FGF14: variants seen among roughly 807,000 people sequenced by gnomAD.
FGF14 encodes the protein fibroblast growth factor homologous factor 4.
In FGF14, 5 loss-of-function variants were observed where a neutral mutation model predicts 25.5. The observed-to-expected ratio is 0.20, with a 90% CI of 0.10 to 0.41. The LOEUF is 0.41. Among genes scored for constraint, FGF14 ranks in the 10% least tolerant of loss-of-function variants. The pLI, the probability that FGF14 is intolerant of heterozygous loss-of-function variation, is 1.00. For synonymous variants in FGF14, 138 were observed against 118.3 expected (o/e 1.17, Z -1.08); for missense variants, 222 against 320.1 (o/e 0.69, Z 2.34).
chr13:102,161,564 GTGAAGAAAGAAAGAAGAAGA>G (rs2047630241), intron 1 of FGF14, among the ~76,000 whole-genome samples: 40 of 8,698 alleles, frequency 4.6e-3, no homozygotes, highest in South Asian at 6.4e-3. Flanking sequence ...CCAACTTTCT[GTGAAGAAAGAAAGAAGAAGA>G]AGAAGAAGAA....
intron 3 of FGF14, among the ~76,000 whole-genome samples, chr13:101,794,991 T>C (rs1015650182): frequency 2.0e-5 from 3 of 152,176 alleles, no homozygotes; most frequent in Non-Finnish European, 2.9e-5. Flanking sequence ...ACTGCATAAA[T>C]GCAGCAAAAC....
At chr13:102,318,281 G>T (rs1258830663) in intron 1 of FGF14, among the ~76,000 whole-genome samples, 1 of 152,148 alleles carries the variant, frequency 6.6e-6, no homozygotes, top group African/African-American at 2.4e-5. Flanking sequence ...CATAGGAGCT[G>T]CTGGCAGCAG....
intron 3 of FGF14, among the ~76,000 whole-genome samples, chr13:101,850,378 T>C (rs924109719): frequency 2.2e-5 from 3 of 137,282 alleles, no homozygotes; most frequent in East Asian, 2.2e-4. Context: ...CATTCTAACC[T>C]AGGAGGTGGA....
chr13:102,159,125 G>A (rs1397014721), intron 1 of FGF14, among the ~76,000 whole-genome samples: 1 of 129,856 alleles, frequency 7.7e-6, no homozygotes, highest in African/African-American at 3.0e-5. Context: ...GGGTAAGAGA[G>A]CCAGACTCTG....
At chr13:101,974,357 G>A (rs1022552625) in intron 1 of FGF14, among the ~76,000 whole-genome samples, 4 of 152,080 alleles carry the variant, frequency 2.6e-5, no homozygotes, top group African/African-American at 9.7e-5. Flanking sequence ...CTAATAAGTG[G>A]CAGACCTGGG....
intron 1 of FGF14, among the ~76,000 whole-genome samples, chr13:102,009,511 ATTT>A (rs1224998933): frequency 1.3e-5 from 2 of 152,118 alleles, no homozygotes; most frequent in Non-Finnish European, 2.9e-5. Context: ...TTACAATATG[ATTT>A]TGGAAATAAA....
At position 102,093,813 on chromosome 13, in the gene FGF14, TAA is replaced by T. The variant is rs141719540; in HGVS notation, c.209-218519_209-218518del. On this transcript the variant is annotated intron_variant, in intron 1 of 4. Transcript: ENST00000376131. ...TGAATCCTGTGTAAGGATCATTGTTTAAAAAAAAAAAAAAAGGAAGGAGAGAG... is the reference window on the plus strand; with the variant it reads ...TGAATCCTGTGTAAGGATCATTGTTTAAAAAAAAAAAAAGGAAGGAGAGAG... Among the ~76,000 whole-genome samples the T allele has an allele frequency of 1.7e-3, 241 of 144,114 alleles. 2 individuals carry two copies. Among genetic ancestry groups the T allele is most frequent in the African/African-American group, 4.6e-3 (181 of 39,064 alleles). The allele number at this position is 144,114 out of a possible 152,430, so 94.5% of individuals were successfully genotyped here. A position where few individuals can be genotyped will look rare whatever the true frequency, so the allele number is the denominator to read the frequency against.
intron 1 of FGF14, among the ~76,000 whole-genome samples, chr13:102,251,669 A>G (rs1486322834): frequency 6.6e-6 from 1 of 152,114 alleles, no homozygotes; most frequent in Non-Finnish European, 1.5e-5. Flanking sequence ...GCACAATCAG[A>G]GGAGACACCT....
intron 1 of FGF14, among the ~76,000 whole-genome samples, chr13:102,189,544 A>G (rs1477051875): frequency 6.6e-6 from 1 of 152,216 alleles, no homozygotes; most frequent in Non-Finnish European, 1.5e-5. Context: ...CTTTAAGTTC[A>G]AAGAGTTTGA....
At position 102,230,748 on chromosome 13, in the gene FGF14, T is replaced by C. The variant is rs141115817; in HGVS notation, c.208+170723A>G. ...CATCTCAGTTATAAGATCGAGTAGATGGAAACCCTCTGAGCATTTATTTGT... is the reference window on the plus strand; with the variant it reads ...CATCTCAGTTATAAGATCGAGTAGACGGAAACCCTCTGAGCATTTATTTGT... On this transcript the variant is annotated intron_variant, in intron 1 of 4. Transcript: ENST00000376131. Among the ~76,000 whole-genome samples the C allele has an allele frequency of 3.5e-3, 532 of 152,350 alleles. 14 individuals carry two copies. The highest frequency in any genetic ancestry group is 0.028 in the Admixed American group (424 of 15,304).
At chr13:101,834,872 CCA>C (rs1386571908) in intron 3 of FGF14, among the ~76,000 whole-genome samples, 2 of 152,014 alleles carry the variant, frequency 1.3e-5, no homozygotes, top group Admixed American at 1.3e-4. Context: ...TGTTCTGGTA[CCA>C]TAAGTTTCTT....
chr13:102,014,045 A>AT (rs1282061892), intron 1 of FGF14, among the ~76,000 whole-genome samples: 1 of 152,128 alleles, frequency 6.6e-6, no homozygotes, highest in Admixed American at 6.6e-5. Flanking sequence ...TAAAAGTATC[A>AT]TTTTAAATAA....
intron 3 of FGF14, among the ~76,000 whole-genome samples, chr13:101,749,601 C>T (rs1445411148): frequency 6.6e-6 from 1 of 152,072 alleles, no homozygotes; most frequent in African/African-American, 2.4e-5. Flanking sequence ...CCAATGTTTT[C>T]TCTACATGTG....
intron 1 of FGF14, among the ~76,000 whole-genome samples, chr13:102,116,634 A>G (rs555843141): frequency 3.6e-4 from 55 of 152,284 alleles, no homozygotes; most frequent in African/African-American, 1.3e-3. Flanking sequence ...ATAAAGACCT[A>G]AAGTATATCA....
chr13:102,237,447 G>A (rs74865235), intron 1 of FGF14, among the ~76,000 whole-genome samples: 7,191 of 152,274 alleles, frequency 0.047, 237 homozygotes, highest in Middle Eastern at 0.095. Flanking sequence ...CCCTGCGAGG[G>A]GCGCATGCCC....
rs59221538 is a variant in FGF14, at chr13:102,023,043, G to GACACACACACAC, written c.209-147759_209-147748dup. 4.3e-3 allele frequency among the ~76,000 whole-genome samples: 622 copies of GACACACACACAC among 146,296 alleles called. 2 individuals are homozygous for GACACACACACAC. Among genetic ancestry groups the GACACACACACAC allele is most frequent in the East Asian group, 0.029 (138 of 4,756 alleles). On this transcript the variant is annotated intron_variant, in intron 1 of 4. Coordinates refer to the FGF14 transcript ENST00000376131. ...GTACAAAAGTAGTAAAATATTTTCG[G>GACACACACACAC]ACACACACACACACACACACACACA...
intron 1 of FGF14, among the ~76,000 whole-genome samples, chr13:102,253,261 G>C (rs967326081): frequency 6.6e-6 from 1 of 152,100 alleles, no homozygotes; most frequent in African/African-American, 2.4e-5. Flanking sequence ...TTCCACAATG[G>C]TTGAACTAGT....
chr13:101,959,471 C>A (rs1310192834), intron 1 of FGF14, among the ~76,000 whole-genome samples: 2 of 152,142 alleles, frequency 1.3e-5, no homozygotes, highest in Admixed American at 1.3e-4. Flanking sequence ...TGAATGCCCT[C>A]CCTGACTTTG....
At chr13:102,100,963 A>C (rs2044633524) in intron 1 of FGF14, among the ~76,000 whole-genome samples, 1 of 152,026 alleles carries the variant, frequency 6.6e-6, no homozygotes. Context: ...GCCAGGCATG[A>C]TGGTGGGTGC....
Sources: gnomAD v4.1 joint callset for allele counts (sites outside exome capture counted in the v4.1 genomes callset) on GRCh38, gnomAD v4.1.1 for gene constraint, MANE v1.5 for transcripts, NCBI Gene and HGNC (gene_info 2026-07-23, HGNC 2026-07-21) for gene names.